The following MYO5B variants were observed in gnomAD, a reference collection of about 807,000 sequenced individuals.
MYO5B encodes unconventional myosin-Vb.
Under a neutral mutation model 229.3 loss-of-function variants are expected in MYO5B, and 143 were observed. That is an observed-to-expected ratio of 0.62 (90% CI 0.54 to 0.72). The LOEUF is 0.72. Ranked by LOEUF, MYO5B falls within the 30% of genes least tolerant of loss-of-function variation. MYO5B has a pLI of 0.00. For missense variants in MYO5B, 2,321 were observed against 2,331.0 expected, an observed-to-expected ratio of 1.00 and a Z score of 0.09; for synonymous variants, 918 against 885.2, an observed-to-expected ratio of 1.04 and a Z score of -0.66.
intron 1 of MYO5B, among the ~76,000 whole-genome samples, chr18:50,072,626 T>A (rs1166605317): frequency 1.3e-4 from 20 of 152,210 alleles, no homozygotes; most frequent in Admixed American, 1.2e-3. Context: ...GGGCATGAGA[T>A]GACAGCACCA....
intron 4 of MYO5B, among the ~76,000 whole-genome samples, chr18:50,034,123 A>G (rs922559436): frequency 2.0e-5 from 3 of 152,202 alleles, no homozygotes; most frequent in Non-Finnish European, 4.4e-5. Context: ...AGTTTCTTAC[A>G]CCTTTCATTT....
intron 1 of MYO5B, among the ~76,000 whole-genome samples, chr18:50,073,445 T>G (rs1206409885): frequency 6.6e-6 from 1 of 152,214 alleles, no homozygotes; most frequent in Non-Finnish European, 1.5e-5. Context: ...TTGGCTTTCT[T>G]GACCACACTC....
chr18:50,048,874 T>C (rs957491317), intron 2 of MYO5B, among the ~76,000 whole-genome samples: 1 of 151,956 alleles, frequency 6.6e-6, no homozygotes, highest in Non-Finnish European at 1.5e-5. Context: ...AATACAAAAA[T>C]TAGCTGGCGT....
intron 1 of MYO5B, among the ~76,000 whole-genome samples, chr18:50,176,366 T>C (rs1000832786): frequency 1.3e-5 from 2 of 152,196 alleles, no homozygotes; most frequent in African/African-American, 4.8e-5. Flanking sequence ...AGCTTGTCAA[T>C]GGTTCACACA....
chr18:50,193,972 C>T (rs1194997713), intron 1 of MYO5B, among the ~76,000 whole-genome samples: 2 of 152,198 alleles, frequency 1.3e-5, no homozygotes, highest in Non-Finnish European at 2.9e-5. Context: ...CACCCAGCCT[C>T]ACACATCCCT....
In MYO5B at chr18:49,886,904, G is replaced by A. The variant is rs75193650; in HGVS notation, c.3046-6449C>T. ...CTATACCAGGAGCCTTGCCAGGGCT[G>A]GGGGATACCAAATGAGATAGACTGA... On this transcript the variant is annotated intron_variant, in intron 22 of 39. Transcript: ENST00000285039. 6.1e-3 allele frequency among the ~76,000 whole-genome samples: 930 copies of A among 152,264 alleles called. 10 individuals carry two copies. Among genetic ancestry groups the A allele is most frequent in the African/African-American group, 0.017 (701 of 41,558 alleles).
intron 16 of MYO5B, 77 bp downstream of exon 16, chr18:49,936,175 G>C (rs2025247419): frequency 1.5e-6 from 2 of 1,293,012 alleles, no homozygotes; most frequent in Non-Finnish European, 2.2e-6. Context: ...CAGACCCCCA[G>C]GCAAGGCCTG....
chr18:50,147,740 C>T (rs1599056966), intron 1 of MYO5B, among the ~76,000 whole-genome samples: 1 of 152,086 alleles, frequency 6.6e-6, no homozygotes, highest in African/African-American at 2.4e-5. Context: ...GTATAAAGGC[C>T]CTACTCTATC....
chr18:50,103,013 A>C (rs2031685203), intron 1 of MYO5B, among the ~76,000 whole-genome samples: 1 of 152,086 alleles, frequency 6.6e-6, no homozygotes, highest in Non-Finnish European at 1.5e-5. Flanking sequence ...GTGGAAATGC[A>C]ATGCTCTTGA....
chr18:50,094,232 CAA>C (rs375879104), intron 1 of MYO5B, among the ~76,000 whole-genome samples: 49 of 152,184 alleles, frequency 3.2e-4, no homozygotes, highest in African/African-American at 1.2e-3. Flanking sequence ...CCAAAAAGCA[CAA>C]GTTACAAAAT....
chr18:50,119,612 G>T (rs1366034426), intron 1 of MYO5B, among the ~76,000 whole-genome samples: 6 of 152,186 alleles, frequency 3.9e-5, no homozygotes. Context: ...CAGGGTCAGT[G>T]AGCGGCAGGA....
chr18:49,975,005 G>A (rs554001359), intron 9 of MYO5B, among the ~76,000 whole-genome samples: 4 of 152,308 alleles, frequency 2.6e-5, no homozygotes, highest in African/African-American at 9.6e-5. Context: ...GGAGTGAAGG[G>A]AGCAGAAAGA....
intron 1 of MYO5B, among the ~76,000 whole-genome samples, chr18:50,145,699 A>G (rs1599055227): frequency 6.6e-6 from 1 of 152,252 alleles, no homozygotes; most frequent in East Asian, 1.9e-4. Context: ...TTATTCAAAC[A>G]GCTCTAACAA....
intron 1 of MYO5B, among the ~76,000 whole-genome samples, chr18:50,109,909 C>A (rs950126324): frequency 6.6e-5 from 10 of 152,182 alleles, no homozygotes; most frequent in Admixed American, 2.0e-4. Flanking sequence ...CTGCCCTGTT[C>A]AAAATCCTCC....
chr18:49,885,473 C>T (rs1787318), intron 22 of MYO5B, among the ~76,000 whole-genome samples: 121,441 of 152,030 alleles, frequency 0.8, 48,683 homozygotes, highest in East Asian at 0.95. Flanking sequence ...TTCTAGACTT[C>T]ATGGCATTAA....
intron 17 of MYO5B, among the ~76,000 whole-genome samples, chr18:49,926,522 T>C (rs923138824): frequency 7.2e-5 from 11 of 152,214 alleles, no homozygotes; most frequent in Non-Finnish European, 1.5e-4. Flanking sequence ...CTCCAATTAA[T>C]GGCAGATGTT....
At position 49,824,644 on chromosome 18, in the gene MYO5B, C is replaced by A. The variant is rs2023819783; in HGVS notation, c.*1827G>T. ...TTTCAAACTAAAGTGCATTAAAAAA[C>A]AAATTATCCTTCACAAACAACTTTA... On this transcript the variant is annotated 3_prime_UTR_variant, in exon 40 of 40. Coordinates refer to ENST00000285039, the MANE Select transcript of MYO5B (RefSeq NM_001080467.3). The A allele has an allele frequency of 6.6e-6, 1 of 152,186 alleles. No homozygotes were observed. Among genetic ancestry groups the A allele is most frequent in the Non-Finnish European group, 1.5e-5 (1 of 68,016 alleles). The allele number at this position is 152,186 out of a possible 1,614,324, so 9.4% of individuals were successfully genotyped here.
intron 5 of MYO5B, among the ~76,000 whole-genome samples, chr18:50,000,564 C>T (rs1391620269): frequency 6.6e-6 from 1 of 152,198 alleles, no homozygotes; most frequent in African/African-American, 2.4e-5. Context: ...AAAGAGACAG[C>T]ATTCTGATCC....
At chr18:50,007,838 G>A (rs756347353) in intron 4 of MYO5B, among the ~76,000 whole-genome samples, 1 of 152,150 alleles carries the variant, frequency 6.6e-6, no homozygotes, top group Non-Finnish European at 1.5e-5. Flanking sequence ...GAGACTCTTA[G>A]TATATAGACT....
Sources: gnomAD v4.1 joint callset for allele counts (sites outside exome capture counted in the v4.1 genomes callset) on GRCh38, gnomAD v4.1.1 for gene constraint, MANE v1.5 for transcripts, NCBI Gene and HGNC (gene_info 2026-07-23, HGNC 2026-07-21) for gene names.